Variants in FAT2 observed in about 807,000 individuals in gnomAD.
FAT2 encodes FAT atypical cadherin 2, also known as protocadherin Fat 2.
FAT2 carries 150 observed loss-of-function variants against 295.3 expected under a neutral mutation model. That is an observed-to-expected ratio of 0.51 (90% CI 0.44 to 0.58). FAT2 has a LOEUF of 0.58. Ranked by LOEUF, FAT2 falls within the 20% of genes least tolerant of loss-of-function variation. The pLI is 0.00. For synonymous variants in FAT2, 2,026 were observed against 2,150.3 expected, an observed-to-expected ratio of 0.94 and a Z score of 1.60; for missense variants, 4,868 against 5,442.7, an observed-to-expected ratio of 0.89 and a Z score of 3.32.
intron 5 of FAT2, 119 bp from the exon 6 acceptor site, chr5:151,553,506 A>G (rs1757409565): frequency 5.8e-6 from 5 of 855,240 alleles, no homozygotes; most frequent in Non-Finnish European, 7.5e-6. Flanking sequence ...TCATCCAGTC[A>G]TTCATTCATC....
At position 151,542,490 on chromosome 5, in the gene FAT2, G is replaced by A. The variant is rs61743245; in HGVS notation, c.8637C>T (p.Asp2879=). ...AGGATAGCTGGATGGTCTGTCCGTG[G>A]TCATAGGCCACCACATGAAAATGAT... The part of the protein sequence containing the change: ...QTYHFHVVAY[D]HGQTIQLSSQ... The change falls in exon 10 of 24, where the codon GAC becomes GAT. Residue 2879 remains aspartate (D), a synonymous_variant. Transcript: ENST00000261800. 312 of 1,614,186 alleles carry A rather than the reference G, an allele frequency of 1.9e-4. 1 individual carries two copies. The African/African-American group carries it at 3.9e-3, about 20-fold the overall frequency.
At chr5:151,594,598 G>C (rs1425452162), upstream of FAT2, among the ~76,000 whole-genome samples, 5 of 152,190 alleles carry the variant, frequency 3.3e-5, no homozygotes, top group East Asian at 9.6e-4. Flanking sequence ...TGCCGCCGTA[G>C]GCTTCTAAAG....
chr5:151,581,527 A>T (rs1207690551), intron 1 of FAT2, among the ~76,000 whole-genome samples: 2 of 152,182 alleles, frequency 1.3e-5, no homozygotes, highest in Non-Finnish European at 2.9e-5. Context: ...GTGCTTGCAG[A>T]GGCGCATGCA....
chr5:151,573,165 C>T (rs1561882371), intron 1 of FAT2, among the ~76,000 whole-genome samples: 1 of 152,170 alleles, frequency 6.6e-6, no homozygotes, highest in Non-Finnish European at 1.5e-5. Context: ...CAGGCTCTGG[C>T]TGTGTGACCT....
At chr5:151,560,120 G>C (rs915027721) in intron 3 of FAT2, among the ~76,000 whole-genome samples, 1 of 152,032 alleles carries the variant, frequency 6.6e-6, no homozygotes, top group Non-Finnish European at 1.5e-5. Flanking sequence ...CTCTTACCCT[G>C]AGTCACCACA....
At chr5:151,542,212 C>G in intron 10 of FAT2, 73 bp downstream of exon 10, 2 of 1,444,834 alleles carry the variant, frequency 1.4e-6, no homozygotes, top group East Asian at 4.6e-5. Context: ...GACATGAACC[C>G]ATTTTAGGGC....
intron 20 of FAT2, among the ~76,000 whole-genome samples, chr5:151,514,481 C>A (rs1752639182): frequency 6.6e-6 from 1 of 152,242 alleles, no homozygotes; most frequent in South Asian, 2.1e-4. Flanking sequence ...ATGGAAAAAG[C>A]TAACTCTCCA....
At position 151,537,808 on chromosome 5, in the gene FAT2, G is replaced by A. The variant is rs780239983; in HGVS notation, c.9178C>T (p.Leu3060=). The A allele has an allele frequency of 3.3e-5, 53 of 1,611,370 alleles. No individual in the cohort carries two copies. The highest frequency in any genetic ancestry group is 8.4e-5 in the Admixed American group (5 of 59,796). The part of the protein sequence containing the change: ...LHGPGAHEFK[L]DPHTGELTTL... ...GGAAACCCACCTGTATGAGGATCCA[G>A]CTTGAATTCATGCGCCCCAGGGCCA... Residue 3060 remains leucine (L), a synonymous_variant, in exon 12 of 24, where the codon CTG becomes TTG. Coordinates refer to ENST00000261800, the MANE Select transcript of FAT2 (RefSeq NM_001447.3).
In FAT2 at chr5:151,507,326, G is replaced by A. The variant is rs2127564387; in HGVS notation, c.12345C>T (p.Asn4115=). 6.2e-7 allele frequency: 1 copy of A among 1,614,200 alleles called. No individual in the cohort carries two copies. Among genetic ancestry groups the A allele is most frequent in the Non-Finnish European group, 8.5e-7 (1 of 1,180,030 alleles). Residue 4115 remains asparagine, a synonymous_variant, in exon 23 of 24, where the codon AAC becomes AAT. Transcript: ENST00000261800. ...CAGAGGCCTTGCTGGGTTCCGGTTG[G>A]TTGAGGTTGTTGCAGGAGCTGGCAC... ...PLSASSCNNL[N]QPEPSKASVP... is the part of the protein sequence containing the mutation.
rs2127580080 is a variant in FAT2, at chr5:151,521,813, G to A, written c.10780C>T (p.Pro3594Ser). 5 of 1,614,152 alleles carry A rather than the reference G, an allele frequency of 3.1e-6. No individual in the cohort carries two copies. The highest frequency in any genetic ancestry group is 4.2e-6 in the Non-Finnish European group (5 of 1,180,048). The change falls in exon 19 of 24, where the codon CCT becomes TCT. Residue 3594 changes from proline to serine, a missense_variant. By Grantham distance (74) the Pro-to-Ser change is moderately conservative (BLOSUM62 -1). Transcript: ENST00000261800. ...ACGTTGAACGAGTAGTGGCCACGAG[G>A]CAGGCCCTGGGCGGCGATAATCTTG... ...DGKIIAAQGL[P>S]RGHYSFNVTV...
At chr5:151,522,249 A>C in intron 18 of FAT2, 163 bp from the exon 19 acceptor site, 4 of 568,740 alleles carry the variant, frequency 7.0e-6, no homozygotes, top group East Asian at 2.8e-5. Context: ...CTAACTCCAA[A>C]AGCACTGACA....
chr5:151,564,118 G>A (rs1362113651), intron 2 of FAT2, among the ~76,000 whole-genome samples: 1 of 152,130 alleles, frequency 6.6e-6, no homozygotes, highest in Non-Finnish European at 1.5e-5. Context: ...TGATTTTAAG[G>A]GGCTGAGCTT....
In FAT2 at chr5:151,528,143, G is replaced by T. The variant is rs748623077; in HGVS notation, c.10027-10C>A. 1.2e-6 allele frequency: 2 copies of T among 1,613,044 alleles called. No homozygotes were observed. The highest frequency in any genetic ancestry group is 2.2e-5 in the East Asian group (1 of 44,856). On this transcript the variant is annotated splice_polypyrimidine_tract_variant and intron_variant, in intron 15 of 23. Transcript: ENST00000261800. ...CATCAGTCGCTGATACCTGCGGTGG[G>T]GTAGGGGGATTGTGAATGGAGGGAC...
intron 16 of FAT2, 125 bp downstream of exon 16, chr5:151,527,871 A>C: frequency 7.8e-7 from 1 of 1,283,114 alleles, no homozygotes; most frequent in Non-Finnish European, 1.1e-6. Flanking sequence ...CAAGTGAGAG[A>C]CATTCTGGGA....
intron 1 of FAT2, among the ~76,000 whole-genome samples, chr5:151,581,706 A>G (rs1758961867): frequency 6.6e-6 from 1 of 152,226 alleles, no homozygotes; most frequent in African/African-American, 2.4e-5. Flanking sequence ...CTGAGATCAC[A>G]CAGCTAGTAT....
Position 151,566,063 on chromosome 5 carries a change from C to T in FAT2, c.2869G>A (p.Ala957Thr), listed in dbSNP as rs538842194. 13 of 1,614,142 alleles carry T rather than the reference C, an allele frequency of 8.1e-6. No homozygotes were observed. Among genetic ancestry groups the T allele is most frequent in the Admixed American group, 6.7e-5 (4 of 60,026 alleles). The change falls in exon 2 of 24, where the codon GCA (alanine) becomes ACA (threonine). Residue 957 changes from alanine (A) to threonine (T), a missense_variant. Around this residue, in one of 5 missense-constraint regions of FAT2, gnomAD observed 3,297 missense variants for 3,669.4 expected, o/e 0.90. Transcript: ENST00000261800. ...LDASDPDLGP[A>T]GEVRYVLMDG... Reference sequence around the variant, plus strand: ...ATCAGAACATATCGCACTTCACCTGCGGGGCCCAGGTCAGGATCAGAGGCA... The same window carrying T: ...ATCAGAACATATCGCACTTCACCTGTGGGGCCCAGGTCAGGATCAGAGGCA...
At position 151,512,066 on chromosome 5, in the gene FAT2, G is replaced by A. The variant is rs969020920; in HGVS notation, c.11905+99C>T. On this transcript the variant is annotated intron_variant, in intron 21 of 23. Transcript: ENST00000261800. This position sits in a 1 kb window ranked among gnomAD's most constrained non-coding sequence, Gnocchi z 4.1. ...AGTTAGGGGAAGAGAGAGAAATTTG[G>A]AACCAGGAGGCTCTGAGATCTCCAC... 1 of 1,152,274 alleles carries A rather than the reference G, an allele frequency of 8.7e-7. No homozygotes were observed. The allele number at this position is 1,152,274 out of a possible 1,614,324, so 71.4% of individuals were successfully genotyped here.
rs144900398 is a variant in FAT2, at chr5:151,546,943, C to A, written c.4790-606G>T. Among the ~76,000 whole-genome samples, 140 of 152,258 alleles carry A rather than the reference C, an allele frequency of 9.2e-4. 1 individual carries two copies. Among genetic ancestry groups the A allele is most frequent in the African/African-American group, 3.1e-3 (130 of 41,536 alleles). ...ACACCCATATCTCAAGGCTCCTGAG[C>A]AAATATCTTTGCCCCATGTGTGTAT... On this transcript the variant is annotated intron_variant, in intron 9 of 23. Coordinates refer to ENST00000261800, the MANE Select transcript of FAT2 (RefSeq NM_001447.3).
chr5:151,562,181 T>G (rs2127640325), intron 3 of FAT2, among the ~76,000 whole-genome samples: 1 of 152,276 alleles, frequency 6.6e-6, no homozygotes, highest in Admixed American at 6.5e-5. Context: ...CTCTGTCTGC[T>G]CCAGGAGTCC....
Sources: allele counts gnomAD v4.1 joint callset (sites outside exome capture counted in the v4.1 genomes callset), GRCh38; gene constraint gnomAD v4.1.1; regional missense constraint gnomAD v4.1.1; non-coding constraint Gnocchi (gnomAD v3.1); transcripts MANE v1.5; gene names NCBI Gene and HGNC (gene_info 2026-07-23, HGNC 2026-07-21).